The following PPP4R4 variants were observed in gnomAD, a reference collection of about 807,000 sequenced individuals.
PPP4R4 encodes serine/threonine-protein phosphatase 4 regulatory subunit 4.
In PPP4R4, 70 loss-of-function variants were observed where a neutral mutation model predicts 121.8. The observed-to-expected ratio is 0.57, with a 90% confidence interval of 0.47 to 0.70. PPP4R4 has a LOEUF of 0.70. PPP4R4 is among the 30% of genes least tolerant of loss of function. PPP4R4 has a pLI of 0.00. For synonymous variants in PPP4R4, 348 were observed against 355.7 expected, an observed-to-expected ratio of 0.98 and a Z score of 0.24; for missense variants, 875 against 1,033.6, an observed-to-expected ratio of 0.85 and a Z score of 2.10.
At chr14:94,277,478 G>A (rs1202499296) in intron 24 of PPP4R4, among the ~76,000 whole-genome samples, 1 of 152,136 alleles carries the variant, frequency 6.6e-6, no homozygotes, top group Non-Finnish European at 1.5e-5. Context: ...CCTCTAAGGT[G>A]CCTTCTAGCT....
At chr14:94,219,835 A>G (rs1289022872) in intron 3 of PPP4R4, among the ~76,000 whole-genome samples, 2 of 152,188 alleles carry the variant, frequency 1.3e-5, no homozygotes, top group Non-Finnish European at 2.9e-5. Flanking sequence ...GATGACACAC[A>G]CCTGTAATCC....
chr14:94,215,581 T>G lies in PPP4R4; in HGVS notation c.294+7015T>G, dbSNP rs144408533. ...AATGTAAATAAGAAAGTGAAATAAT[T>G]CCTATAATGTAAGGTTGATAGAAGA... On this transcript the variant is annotated intron_variant, in intron 3 of 24. Transcript: ENST00000304338. Among the ~76,000 whole-genome samples, 277 of 152,234 alleles carry G rather than the reference T, an allele frequency of 1.8e-3. 3 individuals are homozygous for G. In the South Asian group the frequency reaches 0.029, roughly 16 times the overall value.
intron 3 of PPP4R4, among the ~76,000 whole-genome samples, chr14:94,216,516 C>T (rs964275853): frequency 6.6e-6 from 1 of 152,204 alleles, no homozygotes; most frequent in Non-Finnish European, 1.5e-5. Flanking sequence ...CATCCATTTG[C>T]AAGCTCTTTT....
intron 3 of PPP4R4, chr14:94,227,977 G>C (rs368586950): frequency 1.4e-5 from 10 of 692,730 alleles, no homozygotes; most frequent in African/African-American, 1.9e-5. Flanking sequence ...TGATTTCAGA[G>C]ACCACTTGCT....
chr14:94,227,385 A>G (rs1232672131), intron 3 of PPP4R4: 6 of 1,603,382 alleles, frequency 3.7e-6, no homozygotes, highest in Admixed American at 3.4e-5. Context: ...ACTGGTAAGT[A>G]TTGAACTCTT....
chr14:94,201,934 G>GTGTA (rs1555448559), intron 2 of PPP4R4, among the ~76,000 whole-genome samples: 1 of 147,658 alleles, frequency 6.8e-6, no homozygotes, highest in African/African-American at 2.6e-5. Flanking sequence ...ATGTGTGTGT[G>GTGTA]TATATATATA....
chr14:94,177,705 C>G (rs1888755638), intron 2 of PPP4R4, among the ~76,000 whole-genome samples: 1 of 152,136 alleles, frequency 6.6e-6, no homozygotes, highest in Non-Finnish European at 1.5e-5. Flanking sequence ...AGTGATAAGG[C>G]TTCTTTTTAA....
At chr14:94,258,662 A>G in intron 17 of PPP4R4, 121 bp from the exon 18 acceptor site, 1 of 689,676 alleles carries the variant, frequency 1.4e-6, no homozygotes, top group Non-Finnish European at 2.6e-6. Flanking sequence ...TTTCTGACTT[A>G]GTCTTCCCCC....
intron 2 of PPP4R4, among the ~76,000 whole-genome samples, chr14:94,191,628 C>T (rs1216607909): frequency 6.6e-6 from 1 of 152,092 alleles, no homozygotes; most frequent in African/African-American, 2.4e-5. Context: ...TGTTGAAGAG[C>T]CACTCAAAAG....
At chr14:94,175,270 C>T (rs1888616362) in intron 1 of PPP4R4, among the ~76,000 whole-genome samples, 2 of 152,006 alleles carry the variant, frequency 1.3e-5, no homozygotes, top group Non-Finnish European at 1.5e-5. Context: ...TGGTCCCTGT[C>T]TACAAGCCCT....
intron 17 of PPP4R4, among the ~76,000 whole-genome samples, chr14:94,257,337 A>G (rs1456076512): frequency 1.3e-5 from 2 of 152,022 alleles, no homozygotes; most frequent in Non-Finnish European, 2.9e-5. Flanking sequence ...AAGTGAAATT[A>G]TTTACTTTTA....
chr14:94,253,932 G>A (rs1038468409), intron 16 of PPP4R4, among the ~76,000 whole-genome samples: 1 of 152,200 alleles, frequency 6.6e-6, no homozygotes, highest in East Asian at 1.9e-4. Context: ...GGCAAGGGTG[G>A]TAGGATCATG....
At chr14:94,244,804 A>T in intron 12 of PPP4R4, 92 bp downstream of exon 12, 4 of 1,276,722 alleles carry the variant, frequency 3.1e-6, no homozygotes, top group Non-Finnish European at 4.1e-6. Context: ...GAATCGTGTC[A>T]ACTCTTTCAG....
At position 94,264,964 on chromosome 14, in the gene PPP4R4, T is replaced by C. The variant is rs547597736; in HGVS notation, c.2197+17T>C. The C allele has an allele frequency of 1.2e-5, 19 of 1,523,294 alleles. No individual in the cohort carries two copies. In the East Asian group the frequency reaches 3.6e-4, roughly 29 times the overall value. The allele number at this position is 1,523,294 out of a possible 1,614,324, so 94.4% of individuals were successfully genotyped here. A position where few individuals can be genotyped will look rare whatever the true frequency, so the allele number is the denominator to read the frequency against. ...AAAAGAAACGTAAGTAGTTTTTCTA[T>C]GTCTTCAACACTTAATTACATAATT... On this transcript the variant is annotated intron_variant, in intron 20 of 24. Transcript: ENST00000304338.
At chr14:94,255,537 C>T (rs1893420900) in intron 16 of PPP4R4, among the ~76,000 whole-genome samples, 1 of 151,060 alleles carries the variant, frequency 6.6e-6, no homozygotes, top group African/African-American at 2.4e-5. Flanking sequence ...GGAGGCGGAG[C>T]CTGCAGTGAG....
At chr14:94,182,527 T>C (rs940637874) in intron 2 of PPP4R4, among the ~76,000 whole-genome samples, 5 of 152,202 alleles carry the variant, frequency 3.3e-5, no homozygotes, top group African/African-American at 1.2e-4. Context: ...AAGCACTCTG[T>C]GTACCTTTTG....
intron 3 of PPP4R4, among the ~76,000 whole-genome samples, chr14:94,209,895 T>C (rs1477726915): frequency 6.6e-6 from 1 of 152,086 alleles, no homozygotes; most frequent in Non-Finnish European, 1.5e-5. Flanking sequence ...CAAAGTTTCA[T>C]ATGCAAGAAT....
rs769089213 is a variant in PPP4R4 at position 94,275,692 on chromosome 14, G to A, written c.2597+171G>A. ...TGACTCTGTTATGTTAGTTTATATA[G>A]AATAACTTATATATGGCAAAGGCAT... is the stretch of plus-strand genomic sequence containing the variant. On this transcript the variant is annotated intron_variant, in intron 24 of 24. Transcript: ENST00000304338. Among the ~76,000 whole-genome samples the A allele has an allele frequency of 1.2e-3, 180 of 152,254 alleles. 1 individual carries two copies. The highest frequency in any genetic ancestry group is 4.2e-3 in the African/African-American group (175 of 41,552).
At chr14:94,227,659 C>G (rs1246075913) in intron 3 of PPP4R4, 1 of 1,109,706 alleles carries the variant, frequency 9.0e-7, no homozygotes, top group Non-Finnish European at 1.1e-6. Flanking sequence ...TCATGTTCTT[C>G]CTTTGTATAA....
Sources: allele counts gnomAD v4.1 joint callset (sites outside exome capture counted in the v4.1 genomes callset), GRCh38; gene constraint gnomAD v4.1.1; transcripts MANE v1.5; gene names NCBI Gene and HGNC (gene_info 2026-07-23, HGNC 2026-07-21).